Variants in LGALS12 observed in about 807,000 individuals in gnomAD.
The protein encoded by LGALS12 is galectin-12.
Under a neutral mutation model 36.8 loss-of-function variants are expected in LGALS12, and 36 were observed. The observed-to-expected ratio is 0.98, with a 90% confidence interval of 0.75 to 1.29. LGALS12 has a LOEUF of 1.29. Ranked by LOEUF, LGALS12 falls within the 50% of genes most tolerant of loss-of-function variation. The probability of loss-of-function intolerance (pLI) is 0.00; values close to 1 mark genes in which losing one functional copy is unlikely to be tolerated. For synonymous variants in LGALS12, 145 were observed against 155.9 expected (o/e 0.93, Z 0.52); for missense variants, 366 against 394.3 (o/e 0.93, Z 0.61).
chr11:63,509,049 C>A (rs2016837179), intron 3 of LGALS12, 58 bp downstream of exon 3: 1 of 1,362,532 alleles, frequency 7.3e-7, no homozygotes, highest in Non-Finnish European at 1.0e-6. Flanking sequence ...GCCCTTCCTT[C>A]CCTCAGCCAG....
rs749108134 is a variant in LGALS12 at position 63,511,816 on chromosome 11, G to A, written c.623G>A (p.Gly208Glu). The A allele has an allele frequency of 7.4e-6, 12 of 1,613,598 alleles. No homozygotes were observed. The highest frequency in any genetic ancestry group is 3.3e-4 in the Middle Eastern group (2 of 6,060). ...CCTGGGCAGGTCATCATAGTACGGG[G>A]ACTGGTCTTGCAAGAGCCGAAGCAG... The part of the protein sequence containing the change: ...LSPGQVIIVR[G>E]LVLQEPKHFT... The change falls in exon 7 of 9, where the codon GGA (glycine) becomes GAA (glutamate). Residue 208 changes from glycine (G) to glutamate (E), a missense_variant. Gly to Glu is a moderately conservative substitution (Grantham distance 98). Coordinates refer to ENST00000394618, the MANE Select transcript of LGALS12 (RefSeq NM_033101.4).
intron 5 of LGALS12, 40 bp from the exon 6 acceptor site, chr11:63,511,039 T>C (rs975301986): frequency 1.9e-5 from 31 of 1,607,160 alleles, no homozygotes; most frequent in Admixed American, 1.5e-4. Flanking sequence ...CCTGAGCAAA[T>C]ACCACATGGC....
chr11:63,515,049 G>A (rs111579055), intron 7 of LGALS12, among the ~76,000 whole-genome samples: 28 of 152,122 alleles, frequency 1.8e-4, no homozygotes, highest in Admixed American at 4.6e-4. Context: ...TTATGTTATC[G>A]TCACATTACA....
At chr11:63,509,656 A>T in intron 3 of LGALS12, 122 bp from the exon 4 acceptor site, 1 of 963,470 alleles carries the variant, frequency 1.0e-6, no homozygotes, top group Non-Finnish European at 1.6e-6. Flanking sequence ...CCTACCTCAT[A>T]GAGATGACGT....
At chr11:63,514,390 T>G (rs2017017268) in intron 7 of LGALS12, among the ~76,000 whole-genome samples, 1 of 152,188 alleles carries the variant, frequency 6.6e-6, no homozygotes, top group East Asian at 1.9e-4. Flanking sequence ...GCCAACATAG[T>G]GAAACCCCAT....
At chr11:63,510,948 C>A (rs1367377641) in intron 5 of LGALS12, 131 bp from the exon 6 acceptor site, 9 of 838,800 alleles carry the variant, frequency 1.1e-5, no homozygotes, top group Non-Finnish European at 1.6e-5. Context: ...CCCACTGGGG[C>A]TCCAATGACT....
chr11:63,508,662 C>A (rs1459880353), intron 2 of LGALS12, 21 bp downstream of exon 2: 2 of 1,613,762 alleles, frequency 1.2e-6, no homozygotes, highest in Non-Finnish European at 1.7e-6. Flanking sequence ...GGAGGTGGCC[C>A]AGGGGGTGCT....
Position 63,508,916 on chromosome 11 carries a change from C to G in LGALS12, c.297C>G (p.Ala99=), listed in dbSNP as rs767491628. The change falls in exon 3 of 9, where the codon GCC becomes GCG. Residue 99 remains alanine, a synonymous_variant. Transcript: ENST00000394618. ...ATGGTGGACGCTGGCAAAGGGAGGC[C>G]CGGTGGCCCCACCTGGCCCTGCGAA... ...TLHGGRWQRE[A]RWPHLALRRG... 4.4e-5 allele frequency: 71 copies of G among 1,614,116 alleles called. No homozygotes were observed. Among genetic ancestry groups the G allele is most frequent in the Non-Finnish European group, 5.8e-5 (69 of 1,180,034 alleles).
At chr11:63,509,307 T>C (rs1395430804) in intron 3 of LGALS12, among the ~76,000 whole-genome samples, 1 of 152,190 alleles carries the variant, frequency 6.6e-6, no homozygotes, top group African/African-American at 2.4e-5. Context: ...ATAACCCCAT[T>C]AGGTAGGTAC....
chr11:63,512,356 G>A (rs778610534), intron 7 of LGALS12, among the ~76,000 whole-genome samples: 13 of 152,168 alleles, frequency 8.5e-5, no homozygotes, highest in Non-Finnish European at 1.3e-4. Context: ...GCCACTGGCC[G>A]GCCTGCCTTG....
chr11:63,511,738 C>T lies in LGALS12; in HGVS notation c.559-14C>T, dbSNP rs369824568. ...CTGGAAGTCAACTTCTCAATACCTC[C>T]CTTGTTCCTTCAGGAGGTGCCCTGC... On this transcript the variant is annotated splice_polypyrimidine_tract_variant and intron_variant, in intron 6 of 8. Transcript: ENST00000394618. The T allele has an allele frequency of 5.3e-4, 852 of 1,602,322 alleles. No homozygotes were observed. The highest frequency in any genetic ancestry group is 6.8e-4 in the Non-Finnish European group (794 of 1,169,928).
Position 63,511,722 on chromosome 11 carries a change from A to T in LGALS12, c.559-30A>T, listed in dbSNP as rs374817465. 1.3e-5 allele frequency: 21 copies of T among 1,557,538 alleles called. No homozygotes were observed. In the African/African-American group the frequency reaches 2.8e-4, roughly 21 times the overall value. On this transcript the variant is annotated intron_variant, in intron 6 of 8. Transcript: ENST00000394618. ...GTCCTCCCCAGTCCCCCTGGAAGTC[A>T]ACTTCTCAATACCTCCCTTGTTCCT...
chr11:63,509,873 G>A lies in LGALS12; in HGVS notation c.468G>A (p.Glu156=). ...TLGIFGDILV[E]AVGFLNINPF... ...GTATATTTGGTGACATCCTGGTAGA[G>A]GCTGTTGGATTCCTGAACATCAATG... Residue 156 remains glutamate, a synonymous_variant, in exon 4 of 9, where the codon GAG becomes GAA. Transcript: ENST00000394618. 1.2e-6 allele frequency: 2 copies of A among 1,614,154 alleles called. No homozygotes were observed. The highest frequency in any genetic ancestry group is 1.7e-6 in the Non-Finnish European group (2 of 1,180,010).
Position 63,515,623 on chromosome 11 carries a change from C to T in LGALS12, c.708C>T (p.Phe236=), listed in dbSNP as rs36007310. 6.1e-4 allele frequency: 982 copies of T among 1,614,228 alleles called. 4 individuals carry two copies. In the African/African-American group the frequency reaches 0.011, roughly 19 times the overall value. ...CTCCTGTGACACTCAGGGCCTCCTT[C>T]GCAGACAGAACTCTGGCCTGGATCT... ...AHAPVTLRAS[F]ADRTLAWISR... The change falls in exon 8 of 9, where the codon TTC becomes TTT. Residue 236 remains phenylalanine, a synonymous_variant. Transcript: ENST00000394618.
intron 7 of LGALS12, among the ~76,000 whole-genome samples, chr11:63,514,654 T>C (rs1280652550): frequency 2.0e-5 from 3 of 150,590 alleles, no homozygotes; most frequent in Non-Finnish European, 4.4e-5. Context: ...CACCCCCAAA[T>C]CTAGAGTCAT....
intron 3 of LGALS12, among the ~76,000 whole-genome samples, chr11:63,509,196 G>A (rs1183499190): frequency 1.3e-5 from 2 of 152,222 alleles, no homozygotes; most frequent in Admixed American, 6.5e-5. Flanking sequence ...GCTCCAAAGA[G>A]GGCACTCCTG....
In LGALS12 at chr11:63,508,653, G is replaced by A. The variant is rs1277875241; in HGVS notation, c.158+12G>A. ...CTAGATGCACACAGGTAAGGCGGGG[G>A]AGGTGGCCCAGGGGGTGCTGGAGCT... is the stretch of plus-strand genomic sequence containing the variant. On this transcript the variant is annotated intron_variant, in intron 2 of 8. Transcript: ENST00000394618. 1.9e-6 allele frequency: 3 copies of A among 1,613,948 alleles called. No individual in the cohort carries two copies. Among genetic ancestry groups the A allele is most frequent in the South Asian group, 1.1e-5 (1 of 91,090 alleles).
rs1590640679 is a variant in LGALS12, at chr11:63,506,664, G to A, written c.69+137G>A. The A allele has an allele frequency of 2.6e-6, 3 of 1,147,970 alleles. No individual in the cohort carries two copies. In the East Asian group the frequency reaches 7.0e-5, roughly 27 times the overall value. 71.1% of individuals were successfully genotyped at this position (1,147,970 alleles called of 1,614,324 possible). A position where few individuals can be genotyped will look rare whatever the true frequency, so the allele number is the denominator to read the frequency against. ...CCAGCACCTGCCCTGGGTTCTGGAA[G>A]GCCCTCCTGAGCTTAGTAAAGTGGC... On this transcript the variant is annotated intron_variant, in intron 1 of 8. Coordinates refer to ENST00000394618, the MANE Select transcript of LGALS12 (RefSeq NM_033101.4).
intron 1 of LGALS12, among the ~76,000 whole-genome samples, chr11:63,506,758 C>G (rs985568992): frequency 1.3e-5 from 2 of 152,222 alleles, no homozygotes; most frequent in East Asian, 1.9e-4. Flanking sequence ...TTGAAAGTGG[C>G]GAAGCCTGGA....
Sources: allele counts gnomAD v4.1 joint callset (sites outside exome capture counted in the v4.1 genomes callset), GRCh38; gene constraint gnomAD v4.1.1; transcripts MANE v1.5; gene names NCBI Gene and HGNC (gene_info 2026-07-23, HGNC 2026-07-21).